PAMR1: variants seen among roughly 807,000 people sequenced by gnomAD.
The protein encoded by PAMR1 is inactive serine protease PAMR1.
Under a neutral mutation model 81.8 loss-of-function variants are expected in PAMR1, and 88 were observed. The ratio of observed to expected loss-of-function variants is 1.08; its 90% confidence interval spans 0.91 to 1.28. The LOEUF is 1.28. Ranked by LOEUF, PAMR1 falls within the 50% of genes most tolerant of loss-of-function variation. PAMR1 has a pLI of 0.00. For synonymous variants in PAMR1, 336 were observed against 345.3 expected (o/e 0.97, Z 0.30); for missense variants, 935 against 919.7 (o/e 1.02, Z -0.21).
In PAMR1 at chr11:35,475,037, G is replaced by A. The variant is rs1011519905; in HGVS notation, c.380-293C>T. Among the ~76,000 whole-genome samples, 6 of 152,146 alleles carry A rather than the reference G, an allele frequency of 3.9e-5. No homozygotes were observed. In the East Asian group the frequency reaches 5.8e-4, roughly 15 times the overall value. ...AGTTAAATAAATAACTTGTCTAGCC[G>A]CTAAGTGACGGAGCAAAGACTCAAA... On this transcript the variant is annotated intron_variant, in intron 3 of 10. Transcript: ENST00000619888.
chr11:35,481,795 T>G (rs1850398890), intron 3 of PAMR1, among the ~76,000 whole-genome samples: 1 of 152,220 alleles, frequency 6.6e-6, no homozygotes, highest in African/African-American at 2.4e-5. Flanking sequence ...GTGCTGGTAT[T>G]ACAGGCATGA....
In PAMR1 at chr11:35,470,710, G is replaced by A. The variant is rs149548744; in HGVS notation, c.603C>T (p.Asn201=). ...TGCTCTGGATAGGAGCTGGCCGCTC[G>A]TTGCCACAGACACGCTTGATGATCT... ...DGQIIKRVCG[N]ERPAPIQSIG... is the part of the protein sequence containing the mutation. Residue 201 remains asparagine (N), a synonymous_variant, in exon 5 of 11, where the codon AAC becomes AAT. Transcript: ENST00000619888. The A allele has an allele frequency of 4.0e-5, 65 of 1,613,956 alleles. No homozygotes were observed. Among genetic ancestry groups the A allele is most frequent in the African/African-American group, 2.1e-4 (16 of 74,914 alleles).
chr11:35,499,695 C>CTTTATAGATAAGA (rs1850794101), intron 1 of PAMR1, among the ~76,000 whole-genome samples: 1 of 152,060 alleles, frequency 6.6e-6, no homozygotes, highest in Non-Finnish European at 1.5e-5. Flanking sequence ...TTACTGTTTA[C>CTTTATAGATAAGA]TCTATAGATA....
intron 6 of PAMR1, among the ~76,000 whole-genome samples, chr11:35,463,658 T>C (rs1002292034): frequency 5.3e-5 from 8 of 152,164 alleles, no homozygotes; most frequent in Admixed American, 5.2e-4. Flanking sequence ...GAGGCTAGCT[T>C]GGCCTCAAGG....
chr11:35,464,624 T>C (rs539267771), intron 6 of PAMR1, among the ~76,000 whole-genome samples: 4 of 152,282 alleles, frequency 2.6e-5, no homozygotes, highest in African/African-American at 7.2e-5. Flanking sequence ...TCACCCCTGG[T>C]TGAGAACCAC....
chr11:35,483,922 A>C (rs1033064075), intron 3 of PAMR1, among the ~76,000 whole-genome samples: 4 of 152,222 alleles, frequency 2.6e-5, no homozygotes, highest in Non-Finnish European at 4.4e-5. Context: ...TGTCTGGTGA[A>C]GACTACCTCC....
At chr11:35,436,190 G>T in intron 8 of PAMR1, 55 bp from the exon 9 acceptor site, 1 of 1,139,662 alleles carries the variant, frequency 8.8e-7, no homozygotes, top group South Asian at 1.3e-5. Flanking sequence ...AAGTCACTGT[G>T]GCCTCTTTAG....
intron 10 of PAMR1, 96 bp downstream of exon 10, chr11:35,434,416 T>G: frequency 8.1e-7 from 1 of 1,239,254 alleles, no homozygotes; most frequent in Admixed American, 2.0e-5. Context: ...GCTGCTGACA[T>G]GCTAAGGGGA....
intron 1 of PAMR1, among the ~76,000 whole-genome samples, chr11:35,499,927 A>T (rs1850799027): frequency 1.3e-5 from 2 of 152,188 alleles, no homozygotes; most frequent in African/African-American, 4.8e-5. Flanking sequence ...CCCCCGTAAG[A>T]GGGAGGCAGG....
rs1421740286 is a variant in PAMR1 at position 35,468,024 on chromosome 11, T to C, written c.797A>G (p.Tyr266Cys). 7 of 1,560,300 alleles carry C rather than the reference T, an allele frequency of 4.5e-6. No individual in the cohort carries two copies. Among genetic ancestry groups the C allele is most frequent in the Non-Finnish European group, 6.1e-6 (7 of 1,150,112 alleles). The change falls in exon 6 of 11, where the codon TAT (tyrosine) becomes TGT (cysteine). Residue 266 changes from tyrosine to cysteine, a missense_variant. Coordinates refer to ENST00000619888, the MANE Select transcript of PAMR1 (RefSeq NM_001001991.3). Reference sequence around the variant, plus strand: ...ACGATTTTCACAGCGCTGCCCAGTATAGCCTGCCAAGCAGGCACACTTGTA... The same window carrying C: ...ACGATTTTCACAGCGCTGCCCAGTACAGCCTGCCAAGCAGGCACACTTGTA... Reference protein sequence around the residue: ...GSYKCACLAGYTGQRCENLLE... With the variant: ...GSYKCACLAGCTGQRCENLLE...
At chr11:35,495,990 A>C (rs1223745960) in intron 1 of PAMR1, among the ~76,000 whole-genome samples, 1 of 152,260 alleles carries the variant, frequency 6.6e-6, no homozygotes, top group African/African-American at 2.4e-5. Flanking sequence ...GAATGGCTAC[A>C]TCATCATAGC....
intron 6 of PAMR1, among the ~76,000 whole-genome samples, chr11:35,461,183 C>T (rs938174587): frequency 6.6e-6 from 1 of 152,222 alleles, no homozygotes; most frequent in Admixed American, 6.5e-5. Context: ...AGTCCTGTCT[C>T]AGTGACCTCA....
rs1851092199 is a variant in PAMR1, at chr11:35,512,543, A to G, written c.73+12970T>C. ...GAAAGCAGCATTGGTGAGTAGAAAC[A>G]TCCAGAAATGAGGCTGCCCAAATTT... is the stretch of plus-strand genomic sequence containing the variant. On this transcript the variant is annotated intron_variant, in intron 1 of 10. Coordinates refer to ENST00000619888, the MANE Select transcript of PAMR1 (RefSeq NM_001001991.3). 3.3e-5 allele frequency among the ~76,000 whole-genome samples: 5 copies of G among 152,320 alleles called. No individual in the cohort carries two copies. The South Asian group carries it at 1.0e-3, about 32-fold the overall frequency.
At chr11:35,440,489 T>G (rs918524375) in intron 7 of PAMR1, among the ~76,000 whole-genome samples, 1 of 152,188 alleles carries the variant, frequency 6.6e-6, no homozygotes, top group African/African-American at 2.4e-5. Context: ...TTTCCCATGA[T>G]TCAGGTTGTT....
intron 2 of PAMR1, 75 bp from the exon 3 acceptor site, chr11:35,492,248 T>A (rs1850646013): frequency 2.0e-6 from 3 of 1,524,252 alleles, no homozygotes; most frequent in Non-Finnish European, 1.8e-6. Flanking sequence ...GGAGCACAAC[T>A]GCACCTTCTC....
At chr11:35,486,837 AC>A (rs1441921199) in intron 3 of PAMR1, among the ~76,000 whole-genome samples, 1 of 151,512 alleles carries the variant, frequency 6.6e-6, no homozygotes, top group Non-Finnish European at 1.5e-5. Context: ...CCCTGAACAA[AC>A]CCCCTTACTC....
At chr11:35,456,904 C>A (rs1008670373) in intron 6 of PAMR1, among the ~76,000 whole-genome samples, 1 of 152,128 alleles carries the variant, frequency 6.6e-6, no homozygotes, top group African/African-American at 2.4e-5. Flanking sequence ...TACAGAATAT[C>A]AATTCTTAGA....
At chr11:35,521,534 G>C (rs1851279087) in intron 1 of PAMR1, among the ~76,000 whole-genome samples, 1 of 152,212 alleles carries the variant, frequency 6.6e-6, no homozygotes, top group Admixed American at 6.5e-5. Flanking sequence ...TGAAGCACTT[G>C]TGTCCTACTA....
chr11:35,436,019 A>G lies in PAMR1; in HGVS notation c.1217T>C (p.Leu406Pro). 1 of 1,614,116 alleles carries G rather than the reference A, an allele frequency of 6.2e-7. No individual in the cohort carries two copies. Among genetic ancestry groups the G allele is most frequent in the Non-Finnish European group, 8.5e-7 (1 of 1,180,008 alleles). The change falls in exon 9 of 11, where the codon CTG (leucine) becomes CCG (proline). Residue 406 changes from leucine to proline, a missense_variant. Physicochemically the swap from Leu to Pro is moderately conservative, Grantham distance 98 (BLOSUM62 -3). Coordinates refer to ENST00000619888, the MANE Select transcript of PAMR1 (RefSeq NM_001001991.3). ...FGDLPMGYQHLHTQLQYECIS... is the reference protein window; with the variant it reads ...FGDLPMGYQHPHTQLQYECIS... ...GCACTCATACTGGAGCTGGGTATGC[A>G]GATGTTGGTATCCCATGGGCAGATC...
Sources: gnomAD v4.1 joint callset for allele counts (sites outside exome capture counted in the v4.1 genomes callset) on GRCh38, gnomAD v4.1.1 for gene constraint, MANE v1.5 for transcripts, NCBI Gene and HGNC (gene_info 2026-07-23, HGNC 2026-07-21) for gene names.